The following WWOX variants were observed in gnomAD, a reference collection of about 807,000 sequenced individuals.
The protein encoded by WWOX is WW domain containing oxidoreductase.
In WWOX, 69 loss-of-function variants were observed where a neutral mutation model predicts 46.2. That is an observed-to-expected ratio of 1.49 (90% confidence interval 1.23 to 1.82). WWOX has a LOEUF of 1.82. Ranked by LOEUF, WWOX falls within the 40% of genes most tolerant of loss-of-function variation. WWOX has a pLI of 0.00. For missense variants in WWOX, 919 were observed against 542.6 expected (o/e 1.69, Z -6.89); for synonymous variants, 359 against 202.6 (o/e 1.77, Z -6.56).
At chr16:79,073,682 C>T (rs917241271) in intron 8 of WWOX, among the ~76,000 whole-genome samples, 1 of 152,102 alleles carries the variant, frequency 6.6e-6, no homozygotes, top group Non-Finnish European at 1.5e-5. Context: ...TATTTCCCTG[C>T]TTGCCTTTGC....
chr16:79,175,796 T>A (rs991504974), intron 8 of WWOX, among the ~76,000 whole-genome samples: 3 of 152,136 alleles, frequency 2.0e-5, no homozygotes, highest in Admixed American at 6.5e-5. Context: ...CTCTGTTTGG[T>A]CCCAATGTGC....
At chr16:78,373,818 C>G (rs2081753641) in intron 5 of WWOX, among the ~76,000 whole-genome samples, 1 of 152,164 alleles carries the variant, frequency 6.6e-6, no homozygotes. Flanking sequence ...GAGACAGAGT[C>G]TCAGTGTCAC....
chr16:79,060,370 G>A (rs117750729), intron 8 of WWOX, among the ~76,000 whole-genome samples: 31 of 152,360 alleles, frequency 2.0e-4, no homozygotes, highest in African/African-American at 2.9e-4. Flanking sequence ...GCCACTGGCC[G>A]TTAATTGGTA....
At chr16:78,703,958 T>C (rs1170901325) in intron 8 of WWOX, among the ~76,000 whole-genome samples, 1 of 152,148 alleles carries the variant, frequency 6.6e-6, no homozygotes, top group African/African-American at 2.4e-5. Context: ...ATAATATTTA[T>C]CATTTTAACC....
intron 5 of WWOX, among the ~76,000 whole-genome samples, chr16:78,220,463 G>T (rs2036853057): frequency 6.6e-6 from 1 of 152,022 alleles, no homozygotes; most frequent in Non-Finnish European, 1.5e-5. Context: ...AAGGCTTTCT[G>T]ACTATATTTT....
chr16:78,683,353 C>G (rs1157337017), intron 8 of WWOX, among the ~76,000 whole-genome samples: 4 of 151,340 alleles, frequency 2.6e-5, no homozygotes, highest in African/African-American at 9.7e-5. Flanking sequence ...GCCTGGGCAA[C>G]AAGGCGAAAC....
intron 8 of WWOX, among the ~76,000 whole-genome samples, chr16:79,015,797 G>GGT (rs2047401172): frequency 6.6e-6 from 1 of 152,156 alleles, no homozygotes; most frequent in South Asian, 2.1e-4. Flanking sequence ...CTGTCGCCAA[G>GGT]GTGGAGTGCA....
intron 8 of WWOX, among the ~76,000 whole-genome samples, chr16:78,920,146 C>G (rs765218905): frequency 6.6e-6 from 1 of 152,114 alleles, no homozygotes; most frequent in Non-Finnish European, 1.5e-5. Context: ...TCTGCTTGCT[C>G]TTGGTCTTCT....
At chr16:78,101,381 C>A (rs1233198295) in intron 1 of WWOX, among the ~76,000 whole-genome samples, 1 of 74,176 alleles carries the variant, frequency 1.3e-5, no homozygotes, top group Non-Finnish European at 3.0e-5. Context: ...GGGTCTCGCT[C>A]CGTCGCCCAA....
At chr16:78,834,968 C>G (rs1469762730) in intron 8 of WWOX, among the ~76,000 whole-genome samples, 2 of 152,182 alleles carry the variant, frequency 1.3e-5, no homozygotes, top group East Asian at 3.8e-4. Flanking sequence ...GAACCAGACA[C>G]TGTGCTGAGT....
chr16:78,517,737 C>T (rs1762641925), intron 8 of WWOX, among the ~76,000 whole-genome samples: 2 of 151,426 alleles, frequency 1.3e-5, no homozygotes, highest in Admixed American at 6.6e-5. Flanking sequence ...AAACTAAACA[C>T]ATGTCACGTT....
intron 8 of WWOX, among the ~76,000 whole-genome samples, chr16:78,647,987 G>A (rs956497737): frequency 4.6e-5 from 7 of 151,982 alleles, no homozygotes; most frequent in African/African-American, 1.7e-4. Context: ...ATTTGCTTTC[G>A]CTTAGTATTT....
chr16:78,124,671 C>G (rs57421359), intron 4 of WWOX, among the ~76,000 whole-genome samples: 1 of 152,180 alleles, frequency 6.6e-6, no homozygotes, highest in African/African-American at 2.4e-5. Flanking sequence ...ACAAGCCTAA[C>G]TGAATGGGGT....
intron 6 of WWOX, among the ~76,000 whole-genome samples, chr16:78,388,986 A>T (rs982189820): frequency 1.3e-5 from 2 of 151,064 alleles, no homozygotes; most frequent in African/African-American, 4.8e-5. Flanking sequence ...AAAAAAAAAA[A>T]TTGACTCAGG....
intron 8 of WWOX, among the ~76,000 whole-genome samples, chr16:78,894,871 G>C (rs1367852217): frequency 6.6e-6 from 1 of 152,132 alleles, no homozygotes; most frequent in Non-Finnish European, 1.5e-5. Flanking sequence ...ACTGAGCACT[G>C]TGCATAACTC....
At chr16:78,384,358 C>A (rs2082017264) in intron 5 of WWOX, among the ~76,000 whole-genome samples, 1 of 152,174 alleles carries the variant, frequency 6.6e-6, no homozygotes, top group Admixed American at 6.5e-5. Context: ...TGTTTGCTGA[C>A]TCTGAATGTC....
At chr16:79,113,409 T>A (rs1423268147) in intron 8 of WWOX, among the ~76,000 whole-genome samples, 1 of 152,224 alleles carries the variant, frequency 6.6e-6, no homozygotes. Context: ...TGTCGTTGGT[T>A]GAGGACTGCT....
rs572219060 is a variant in WWOX at position 78,661,763 on chromosome 16, A to T, written c.1056+229011A>T. 5.9e-5 allele frequency among the ~76,000 whole-genome samples: 9 copies of T among 152,324 alleles called. No homozygotes were observed. The South Asian group carries it at 1.9e-3, about 32-fold the overall frequency. On this transcript the variant is annotated intron_variant, in intron 8 of 8. Coordinates refer to ENST00000566780, the MANE Select transcript of WWOX (RefSeq NM_016373.4). ...AATAATAGTAGTTAATAGACTGGGT[A>T]CAATGGCTGACGCCCGTAATCCCAG...
At chr16:78,931,010 A>G (rs774607255) in intron 8 of WWOX, among the ~76,000 whole-genome samples, 1 of 152,308 alleles carries the variant, frequency 6.6e-6, no homozygotes, top group African/African-American at 2.4e-5. Context: ...GGATAGCAAT[A>G]TCTATCTCCT....
Sources: gnomAD v4.1 joint callset for allele counts (sites outside exome capture counted in the v4.1 genomes callset) on GRCh38, gnomAD v4.1.1 for gene constraint, MANE v1.5 for transcripts, NCBI Gene and HGNC (gene_info 2026-07-23, HGNC 2026-07-21) for gene names.